The following GARIN2 variants were observed in gnomAD, a reference collection of about 807,000 sequenced individuals.
The protein encoded by GARIN2 is Golgi-associated RAB2 interactor protein 2.
chr14:67,206,876 G>GC, the GARIN2 span, among the ~76,000 whole-genome samples: 1 of 151,956 alleles, frequency 6.6e-6, no homozygotes, highest in Non-Finnish European at 1.5e-5. Flanking sequence ...GATTACAGGT[G>GC]CCCACCACAC....
the GARIN2 span, among the ~76,000 whole-genome samples, chr14:67,192,777 CAT>C: frequency 4.8e-5 from 7 of 146,822 alleles, no homozygotes; most frequent in South Asian, 1.5e-3. Context: ...ACATATATTA[CAT>C]ATATATGTAT....
the GARIN2 span, among the ~76,000 whole-genome samples, chr14:67,196,595 A>G: frequency 6.6e-6 from 1 of 152,212 alleles, no homozygotes; most frequent in Non-Finnish European, 1.5e-5. Context: ...CACTTTAAAC[A>G]GCAATTAAAT....
At chr14:67,195,434 A>G in the GARIN2 span, among the ~76,000 whole-genome samples, 9 of 152,146 alleles carry the variant, frequency 5.9e-5, no homozygotes, top group Non-Finnish European at 1.0e-4. Context: ...AAATGACAGC[A>G]GTGGAAAGGG....
the GARIN2 span, chr14:67,208,147 C>G: frequency 6.2e-7 from 1 of 1,601,530 alleles, no homozygotes; most frequent in Non-Finnish European, 8.5e-7. Context: ...CCACAAACAC[C>G]TATTACCTGA....
the GARIN2 span, chr14:67,208,256 A>G: frequency 1.3e-5 from 21 of 1,613,948 alleles, no homozygotes; most frequent in Admixed American, 3.3e-5. Context: ...AAAAAGTAAG[A>G]GTGAGTTGAA....
the GARIN2 span, among the ~76,000 whole-genome samples, chr14:67,196,571 A>G: frequency 3.9e-5 from 6 of 152,182 alleles, no homozygotes; most frequent in Non-Finnish European, 7.3e-5. Context: ...GTTTTCAGGT[A>G]ATCGTAAGGA....
the GARIN2 span, among the ~76,000 whole-genome samples, chr14:67,207,749 A>G: frequency 3.3e-4 from 50 of 152,238 alleles, no homozygotes; most frequent in African/African-American, 1.2e-3. Context: ...TTAGAGTATT[A>G]AGTTTTAGAT....
chr14:67,224,885 G>T, the GARIN2 span: 1 of 381,942 alleles, frequency 2.6e-6, no homozygotes, highest in East Asian at 5.6e-5. Flanking sequence ...TAAAAAAGGA[G>T]GGAGCCCTCT....
At chr14:67,214,964 G>A in the GARIN2 span, among the ~76,000 whole-genome samples, 4 of 152,074 alleles carry the variant, frequency 2.6e-5, no homozygotes, top group Non-Finnish European at 5.9e-5. Flanking sequence ...TTGGCTCTCT[G>A]TTTGTCTGTT....
chr14:67,215,971 A>T, the GARIN2 span, among the ~76,000 whole-genome samples: 1 of 152,200 alleles, frequency 6.6e-6, no homozygotes, highest in Admixed American at 6.6e-5. Context: ...CTTTTAAAAA[A>T]TTGATGAAAA....
At chr14:67,225,962 T>TGTGTGTGCGC in the GARIN2 span, among the ~76,000 whole-genome samples, 369 of 113,472 alleles carry the variant, frequency 3.3e-3, 1 homozygote, top group African/African-American at 0.015. Context: ...TGTGTGTGTG[T>TGTGTGTGCGC]GCGCGCGCGC....
chr14:67,201,589 C>G, the GARIN2 span: 4 of 453,774 alleles, frequency 8.8e-6, no homozygotes, highest in Admixed American at 9.4e-5. Flanking sequence ...TCACATGCCA[C>G]TGCTGAAACC....
the GARIN2 span, among the ~76,000 whole-genome samples, chr14:67,209,633 C>A: frequency 6.6e-6 from 1 of 151,636 alleles, no homozygotes; most frequent in Non-Finnish European, 1.5e-5. Context: ...GCCTGGCCAA[C>A]ATGGTGAAAC....
At chr14:67,224,914 G>A in the GARIN2 span, 2 of 444,650 alleles carry the variant, frequency 4.5e-6, no homozygotes, top group Non-Finnish European at 7.8e-6. Flanking sequence ...ACCTGCTTGT[G>A]AAATTCAACA....
the GARIN2 span, among the ~76,000 whole-genome samples, chr14:67,211,389 A>T: frequency 1.1e-4 from 17 of 152,170 alleles, no homozygotes; most frequent in African/African-American, 3.9e-4. Context: ...TGTCTGAAGT[A>T]ATCTTTCCAC....
the GARIN2 span, among the ~76,000 whole-genome samples, chr14:67,206,123 G>A: frequency 1.3e-5 from 2 of 152,168 alleles, no homozygotes; most frequent in Admixed American, 1.3e-4. Context: ...GGCAGAAGGT[G>A]CAGTGAGCCG....
chr14:67,219,234 T>A, the GARIN2 span, among the ~76,000 whole-genome samples: 1 of 152,180 alleles, frequency 6.6e-6, no homozygotes, highest in Non-Finnish European at 1.5e-5. Flanking sequence ...GGACTGTAGG[T>A]GTTTTTGGTA....
At chr14:67,203,029 G>A in the GARIN2 span, 1 of 1,531,524 alleles carries the variant, frequency 6.5e-7, no homozygotes, top group Non-Finnish European at 8.9e-7. Flanking sequence ...CACTTCTCAG[G>A]CAAGCAAGGT....
At chr14:67,191,495 G>T in the GARIN2 span, among the ~76,000 whole-genome samples, 1 of 152,200 alleles carries the variant, frequency 6.6e-6, no homozygotes, top group Non-Finnish European at 1.5e-5. Flanking sequence ...TGGCTTTTCA[G>T]ATTCCCACTC....
Sources: allele counts gnomAD v4.1 joint callset (sites outside exome capture counted in the v4.1 genomes callset), GRCh38; gene constraint gnomAD v4.1.1; transcripts MANE v1.5; gene names NCBI Gene and HGNC (gene_info 2026-07-23, HGNC 2026-07-21).